TAF8: variants seen among roughly 807,000 people sequenced by gnomAD.
The protein encoded by TAF8 is TATA-box binding protein associated factor 8, also known as transcription initiation factor TFIID subunit 8.
In TAF8, 47 loss-of-function variants were observed where a neutral mutation model predicts 36.5. The ratio of observed to expected loss-of-function variants is 1.29; its 90% CI spans 1.02 to 1.64. The LOEUF (loss-of-function observed/expected upper bound fraction) is 1.64. Ranked by LOEUF, TAF8 falls within the 40% of genes most tolerant of loss-of-function variation. TAF8 has a pLI of 0.00. For missense variants in TAF8, 420 were observed against 407.6 expected, an observed-to-expected ratio of 1.03 and a Z score of -0.26; for synonymous variants, 175 against 159.5, an observed-to-expected ratio of 1.10 and a Z score of -0.73.
Position 42,062,751 on chromosome 6 carries a change from A to G in TAF8, c.490-3561A>G, listed in dbSNP as rs867770510. ...GAGATGGGGTTTCACCATATTGACC[A>G]GGCTGGTCTCGAACTCCTGACCTTG... On this transcript the variant is annotated intron_variant, in intron 5 of 8. Transcript: ENST00000372977. Among the ~76,000 whole-genome samples the G allele has an allele frequency of 2.0e-4, 30 of 151,166 alleles. 1 individual carries two copies. Among genetic ancestry groups the G allele is most frequent in the Non-Finnish European group, 5.9e-5 (4 of 67,836 alleles).
At chr6:42,055,802 T>A in intron 3 of TAF8, 150 bp from the exon 4 acceptor site, 1 of 740,830 alleles carries the variant, frequency 1.3e-6, no homozygotes, top group Non-Finnish European at 2.3e-6. Flanking sequence ...GCCTCATAAT[T>A]CCCTGTTAGG....
Position 42,066,429 on chromosome 6 carries a change from C to T in TAF8, c.607C>T (p.Leu203Phe), listed in dbSNP as rs1282895022. 1.2e-6 allele frequency: 2 copies of T among 1,614,212 alleles called. No individual in the cohort carries two copies. The highest frequency in any genetic ancestry group is 1.7e-6 in the Non-Finnish European group (2 of 1,180,026). The part of the protein sequence containing the change: ...FMAKTGETQS[L>F]FKDDVSTFPL... Reference sequence around the variant, plus strand: ...GGCCAAGACAGGCGAGACTCAGAGTCTTTTCAAAGATGACGTCAGCACATT... The same window carrying T: ...GGCCAAGACAGGCGAGACTCAGAGTTTTTTCAAAGATGACGTCAGCACATT... The change falls in exon 6 of 9, where the codon CTT becomes TTT. Residue 203 changes from leucine (L) to phenylalanine (F), a missense_variant. By Grantham distance (22) the Leu-to-Phe change is conservative. Coordinates refer to ENST00000372977, the MANE Select transcript of TAF8 (RefSeq NM_138572.3).
At chr6:42,050,731 C>A in intron 1 of TAF8, 145 bp downstream of exon 1, 1 of 1,113,122 alleles carries the variant, frequency 9.0e-7, no homozygotes, top group Non-Finnish European at 1.2e-6. Flanking sequence ...CCGTAGGCGC[C>A]CCCTCCTTGG....
At chr6:42,060,223 C>T (rs553305359) in intron 5 of TAF8, among the ~76,000 whole-genome samples, 4 of 152,280 alleles carry the variant, frequency 2.6e-5, no homozygotes, top group Admixed American at 6.5e-5. Flanking sequence ...TTAGTCTAAA[C>T]TGCAGAAAAA....
rs188083067 is a variant in TAF8 at position 42,077,792 on chromosome 6, A to G, written c.*247A>G. 1,358 of 1,320,794 alleles carry G rather than the reference A, an allele frequency of 1.0e-3. 1 individual carries two copies. The Admixed American group carries it at 0.012, about 12-fold the overall frequency. 81.8% of individuals were successfully genotyped at this position (1,320,794 alleles called of 1,614,324 possible). On this transcript the variant is annotated 3_prime_UTR_variant, in exon 9 of 9. Coordinates refer to ENST00000372977, the MANE Select transcript of TAF8 (RefSeq NM_138572.3). ...TTATTTTGAGATGGAGTCTTACTCT[A>G]TCACCCAGGCTGGAATGCAGTGGTG... is the stretch of plus-strand genomic sequence containing the variant.
chr6:42,087,331 A>C (rs537106883), downstream of TAF8: 3 of 150,426 alleles, frequency 2.0e-5, no homozygotes, highest in African/African-American at 7.4e-5. Context: ...GCTTTCATTT[A>C]CATAGTGCTT....
At chr6:42,055,807 G>C in intron 3 of TAF8, 145 bp from the exon 4 acceptor site, 1 of 745,196 alleles carries the variant, frequency 1.3e-6, no homozygotes, top group South Asian at 1.7e-5. Context: ...ATAATTCCCT[G>C]TTAGGGAATT....
intron 1 of TAF8, 149 bp downstream of exon 1, chr6:42,050,735 T>A: frequency 9.3e-7 from 1 of 1,071,132 alleles, no homozygotes; most frequent in Non-Finnish European, 1.3e-6. Context: ...AGGCGCCCCC[T>A]CCTTGGGACT....
intron 2 of TAF8, among the ~76,000 whole-genome samples, chr6:42,053,672 A>G (rs1397923950): frequency 6.6e-6 from 1 of 152,176 alleles, no homozygotes; most frequent in Non-Finnish European, 1.5e-5. Flanking sequence ...AGTCACATAG[A>G]CTCAGGAAAA....
chr6:42,065,617 A>G (rs1198050036), intron 5 of TAF8, among the ~76,000 whole-genome samples: 1 of 152,172 alleles, frequency 6.6e-6, no homozygotes, highest in African/African-American at 2.4e-5. Context: ...CCACTCCCAT[A>G]CTGCAGGAGG....
At chr6:42,059,825 A>G (rs890151231) in intron 5 of TAF8, among the ~76,000 whole-genome samples, 9 of 152,188 alleles carry the variant, frequency 5.9e-5, no homozygotes, top group African/African-American at 1.9e-4. Flanking sequence ...CTCAGTCATA[A>G]TTTTGCAAAC....
intron 5 of TAF8, among the ~76,000 whole-genome samples, chr6:42,058,616 A>C (rs1351502595): frequency 6.6e-6 from 1 of 152,100 alleles, no homozygotes; most frequent in Non-Finnish European, 1.5e-5. Context: ...TCCATACCTT[A>C]GGGTGGGGGA....
At chr6:42,067,983 C>T (rs1765424692) in intron 6 of TAF8, among the ~76,000 whole-genome samples, 1 of 152,202 alleles carries the variant, frequency 6.6e-6, no homozygotes, top group Admixed American at 6.5e-5. Context: ...TGCATATATG[C>T]AGAGTGCTCA....
intron 7 of TAF8, among the ~76,000 whole-genome samples, chr6:42,072,464 CT>C (rs759676230): frequency 6.6e-6 from 1 of 152,202 alleles, no homozygotes; most frequent in Non-Finnish European, 1.5e-5. Context: ...ATGTAGCCTT[CT>C]AGAGACATTT....
In TAF8 at chr6:42,051,520, A is replaced by ATG; in HGVS notation, c.202+7_202+8insTG. 1 of 1,613,022 alleles carries ATG rather than the reference A, an allele frequency of 6.2e-7. No homozygotes were observed. Among genetic ancestry groups the ATG allele is most frequent in the Non-Finnish European group, 8.5e-7 (1 of 1,179,320 alleles). ...ACAGAGATGCTGCAGAGCTGTGAGT[A>ATG]CATGGAAACACTTGGCCTTGGAGTC... is the stretch of plus-strand genomic sequence containing the variant. On this transcript the variant is annotated splice_region_variant and intron_variant, in intron 2 of 8. Coordinates refer to ENST00000372977, the MANE Select transcript of TAF8 (RefSeq NM_138572.3).
At position 42,080,964 on chromosome 6, in the gene TAF8, AAGTC is replaced by A. The variant is rs1765904939; in HGVS notation, c.*3422_*3425del. 1 of 985,254 alleles carries A rather than the reference AAGTC, an allele frequency of 1.0e-6. No individual in the cohort carries two copies. Among genetic ancestry groups the A allele is most frequent in the African/African-American group, 1.7e-5 (1 of 57,230 alleles). 61.0% of individuals were successfully genotyped at this position (985,254 alleles called of 1,614,324 possible). A position where few individuals can be genotyped will look rare whatever the true frequency, so the allele number is the denominator to read the frequency against. On this transcript the variant is annotated 3_prime_UTR_variant, in exon 9 of 9. Transcript: ENST00000372977. ...AAAGTTAACAGCAATGTGGACAAAT[AAGTC>A]AGGCTTAGCCCTTGTGTTGGCCTAA...
chr6:42,052,207 G>T (rs1424936011), intron 2 of TAF8, among the ~76,000 whole-genome samples: 1 of 152,130 alleles, frequency 6.6e-6, no homozygotes, highest in Non-Finnish European at 1.5e-5. Flanking sequence ...AGTTATGGGT[G>T]CCCTTAAGGA....
chr6:42,074,126 TAAAAG>T (rs975901556), intron 7 of TAF8, among the ~76,000 whole-genome samples: 5 of 151,928 alleles, frequency 3.3e-5, no homozygotes, highest in Admixed American at 6.6e-5. Flanking sequence ...TGTTTAAAAA[TAAAAG>T]AAAGAAAACA....
rs920316097 is a variant in TAF8 at position 42,078,886 on chromosome 6, C to T, written c.*1341C>T. The T allele has an allele frequency of 9.3e-6, 9 of 972,064 alleles. No homozygotes were observed. Among genetic ancestry groups the T allele is most frequent in the South Asian group, 9.5e-5 (2 of 21,044 alleles). 60.2% of individuals were successfully genotyped at this position (972,064 alleles called of 1,614,324 possible). ...CCTGTAATCCCAGCACTTCGGGAGG[C>T]GAAGGCAGGTGGATCACTTGAGGTC... On this transcript the variant is annotated 3_prime_UTR_variant, in exon 9 of 9. Coordinates refer to ENST00000372977, the MANE Select transcript of TAF8 (RefSeq NM_138572.3).
Sources: gnomAD v4.1 joint callset for allele counts (sites outside exome capture counted in the v4.1 genomes callset) on GRCh38, gnomAD v4.1.1 for gene constraint, MANE v1.5 for transcripts, NCBI Gene and HGNC (gene_info 2026-07-23, HGNC 2026-07-21) for gene names.